The following ZNF385D variants were observed in gnomAD, a reference collection of about 807,000 sequenced individuals.
ZNF385D encodes the protein zinc finger protein 385D.
A neutral mutation model predicts 35.8 loss-of-function variants in ZNF385D; 15 were observed. The observed-to-expected ratio is 0.42, with a 90% CI of 0.28 to 0.64. The LOEUF is 0.64. ZNF385D is among the 30% of genes least tolerant of loss of function. The pLI is 0.23. For missense variants in ZNF385D, 474 were observed against 494.6 expected (o/e 0.96, Z 0.39); for synonymous variants, 212 against 186.8 (o/e 1.13, Z -1.10).
chr3:22,328,838 A>G (rs778200862), intron 2 of ZNF385D, among the ~76,000 whole-genome samples: 2 of 150,920 alleles, frequency 1.3e-5, no homozygotes, highest in Non-Finnish European at 3.0e-5. Flanking sequence ...CACTTTGGGA[A>G]GCCGAGGCGG....
At chr3:22,013,841 C>T (rs1159735089) in intron 3 of ZNF385D, among the ~76,000 whole-genome samples, 1 of 152,016 alleles carries the variant, frequency 6.6e-6, no homozygotes, top group Non-Finnish European at 1.5e-5. Context: ...GCAACCCCCT[C>T]CCCCTCCCAA....
chr3:22,151,100 G>T (rs1413296443), intron 3 of ZNF385D, among the ~76,000 whole-genome samples: 1 of 152,136 alleles, frequency 6.6e-6, no homozygotes, highest in Non-Finnish European at 1.5e-5. Flanking sequence ...CTCAACTCTG[G>T]ATGTGTCTTC....
At chr3:22,345,435 A>T (rs192083891) in intron 2 of ZNF385D, among the ~76,000 whole-genome samples, 3 of 152,230 alleles carry the variant, frequency 2.0e-5, no homozygotes, top group Non-Finnish European at 4.4e-5. Flanking sequence ...CAAAAACTTC[A>T]CATTCCTTTA....
At chr3:22,325,148 A>G (rs1057274504) in intron 2 of ZNF385D, among the ~76,000 whole-genome samples, 4 of 152,248 alleles carry the variant, frequency 2.6e-5, no homozygotes, top group Non-Finnish European at 5.9e-5. Flanking sequence ...CAATATTACT[A>G]CAATAAATTC....
intron 3 of ZNF385D, among the ~76,000 whole-genome samples, chr3:22,025,061 C>G (rs1697453636): frequency 6.6e-6 from 1 of 152,114 alleles, no homozygotes; most frequent in Non-Finnish European, 1.5e-5. Context: ...AGAATGGGAC[C>G]CTGCAACTTG....
At chr3:21,595,305 C>T (rs2064097278) in intron 2 of ZNF385D, among the ~76,000 whole-genome samples, 2 of 152,018 alleles carry the variant, frequency 1.3e-5, no homozygotes, top group South Asian at 2.1e-4. Context: ...ACATATAGGT[C>T]TTCACTCTGG....
At chr3:21,814,924 T>G (rs957922648) in intron 3 of ZNF385D, among the ~76,000 whole-genome samples, 1 of 152,138 alleles carries the variant, frequency 6.6e-6, no homozygotes, top group Non-Finnish European at 1.5e-5. Flanking sequence ...ACTGACCACA[T>G]AGTTGGAAGT....
At chr3:21,711,099 T>C (rs1186491690) in intron 1 of ZNF385D, among the ~76,000 whole-genome samples, 2 of 131,410 alleles carry the variant, frequency 1.5e-5, no homozygotes, top group Non-Finnish European at 3.1e-5. Context: ...TGGAGTGCAG[T>C]GGCGTGATCT....
At chr3:22,205,837 A>C (rs1216767858) in intron 2 of ZNF385D, among the ~76,000 whole-genome samples, 1 of 152,020 alleles carries the variant, frequency 6.6e-6, no homozygotes, top group East Asian at 1.9e-4. Context: ...GAAGGAAAGA[A>C]AGAAGGAAGA....
chr3:21,460,992 G>A (rs34175881), intron 4 of ZNF385D, among the ~76,000 whole-genome samples: 124 of 152,130 alleles, frequency 8.2e-4, no homozygotes, highest in African/African-American at 2.2e-3. Flanking sequence ...CAATCAGAGC[G>A]GAATCTATTT....
intron 4 of ZNF385D, among the ~76,000 whole-genome samples, chr3:21,460,440 C>A (rs79562024): frequency 6.6e-6 from 1 of 152,116 alleles, no homozygotes; most frequent in Non-Finnish European, 1.5e-5. Flanking sequence ...TTATGCTAAA[C>A]TATATTCAGT....
At chr3:22,071,928 T>C (rs1209090768) in intron 3 of ZNF385D, among the ~76,000 whole-genome samples, 2 of 152,058 alleles carry the variant, frequency 1.3e-5, no homozygotes, top group East Asian at 3.9e-4. Flanking sequence ...TACAATGGTC[T>C]TGCAAGGTCT....
intron 2 of ZNF385D, among the ~76,000 whole-genome samples, chr3:22,334,207 A>G (rs1228456046): frequency 6.6e-6 from 1 of 152,068 alleles, no homozygotes; most frequent in Non-Finnish European, 1.5e-5. Flanking sequence ...CTTGAGTTCT[A>G]TTTGTTATCT....
intron 3 of ZNF385D, among the ~76,000 whole-genome samples, chr3:21,760,631 G>A (rs1426073424): frequency 2.0e-5 from 3 of 152,220 alleles, no homozygotes; most frequent in East Asian, 1.9e-4. Context: ...TGAAATAAAA[G>A]GTCATACTTT....
intron 2 of ZNF385D, among the ~76,000 whole-genome samples, chr3:22,187,111 TCCCAC>T (rs1695687788): frequency 1.3e-5 from 2 of 152,148 alleles, no homozygotes; most frequent in African/African-American, 4.8e-5. Context: ...TCTAACATCT[TCCCAC>T]ATATAAAAAG....
chr3:21,566,523 G>A (rs73033316), intron 2 of ZNF385D, among the ~76,000 whole-genome samples: 17,900 of 151,964 alleles, frequency 0.12, 1,303 homozygotes, highest in East Asian at 0.16. Context: ...CCAGGTATTC[G>A]GGAGGCTGAG....
At chr3:21,839,663 C>G (rs1377435010) in intron 3 of ZNF385D, among the ~76,000 whole-genome samples, 5 of 152,034 alleles carry the variant, frequency 3.3e-5, no homozygotes, top group Non-Finnish European at 5.9e-5. Flanking sequence ...AGCTCTGACT[C>G]CAGACCACAT....
Position 21,971,432 on chromosome 3 carries a change from T to C in ZNF385D, c.325+197385A>G, listed in dbSNP as rs139078598. Among the ~76,000 whole-genome samples the C allele has an allele frequency of 6.2e-3, 945 of 151,764 alleles. 9 individuals are homozygous for C. The highest frequency in any genetic ancestry group is 0.022 in the African/African-American group (899 of 41,500). On this transcript the variant is annotated intron_variant, in intron 3 of 5. Transcript: ENST00000494108. Reference sequence around the variant, plus strand: ...CAGTTTAAAATCATGGGTTATAAGATATTACCTGCAAGTTTCATGGTAATC... The same window carrying C: ...CAGTTTAAAATCATGGGTTATAAGACATTACCTGCAAGTTTCATGGTAATC...
chr3:22,030,304 C>CATATGTATGTATA (rs1553591410), intron 3 of ZNF385D, among the ~76,000 whole-genome samples: 1 of 36,072 alleles, frequency 2.8e-5, no homozygotes, highest in African/African-American at 1.2e-4. Context: ...TATATATATC[C>CATATGTATGTATA]TATTTGGTCC....
Sources: gnomAD v4.1 joint callset for allele counts (sites outside exome capture counted in the v4.1 genomes callset) on GRCh38, gnomAD v4.1.1 for gene constraint, MANE v1.5 for transcripts, NCBI Gene and HGNC (gene_info 2026-07-23, HGNC 2026-07-21) for gene names.